Variants in PRORP observed in about 807,000 individuals in gnomAD.
The protein encoded by PRORP is mitochondrial ribonuclease P catalytic subunit.
In PRORP, 51 loss-of-function variants were observed where a neutral mutation model predicts 59.4. The ratio of observed to expected loss-of-function variants is 0.86; its 90% CI spans 0.69 to 1.08. PRORP has a LOEUF of 1.08. PRORP is among the 50% of genes least tolerant of loss of function. The pLI is 0.00. For missense variants in PRORP, 646 were observed against 690.3 expected, an observed-to-expected ratio of 0.94 and a Z score of 0.72; for synonymous variants, 231 against 245.6, an observed-to-expected ratio of 0.94 and a Z score of 0.55.
chr14:35,253,816 C>T (rs2050679014), intron 5 of PRORP, among the ~76,000 whole-genome samples: 1 of 152,012 alleles, frequency 6.6e-6, no homozygotes, highest in Non-Finnish European at 1.5e-5. Flanking sequence ...TCTTTTTGGT[C>T]ATGCTTCAGT....
In PRORP at chr14:35,230,938, A is replaced by AACATAC. The variant is rs2050061625; in HGVS notation, c.1276-35786_1276-35785insTACACA. ...CAACTGTGTAAAGACAGGAAAAGAG[A>AACATAC]ACACACACACACACACACACACACA... On this transcript the variant is annotated intron_variant, in intron 5 of 7. Coordinates refer to ENST00000534898, the MANE Select transcript of PRORP (RefSeq NM_014672.4). 4.8e-5 allele frequency among the ~76,000 whole-genome samples: 7 copies of AACATAC among 144,466 alleles called. No individual in the cohort carries two copies. In the Admixed American group the frequency reaches 4.9e-4, roughly 10 times the overall value. 94.8% of individuals were successfully genotyped at this position (144,466 alleles called of 152,430 possible).
chr14:35,202,781 C>T lies in PRORP; in HGVS notation c.1275+22004C>T, dbSNP rs867736702. Among the ~76,000 whole-genome samples the T allele has an allele frequency of 8.1e-4, 123 of 152,098 alleles. 2 individuals are homozygous for T. Among genetic ancestry groups the T allele is most frequent in the African/African-American group, 2.7e-3 (114 of 41,502 alleles). The stretch of plus-strand genomic sequence containing the variant: ...AGTAGCTAGGACAACAGGCATGTGC[C>T]GCCACACCTGGCTAATTAAAAAAAA... On this transcript the variant is annotated intron_variant, in intron 5 of 7. Transcript: ENST00000534898.
chr14:35,145,811 A>G (rs1363505177), intron 4 of PRORP, among the ~76,000 whole-genome samples: 2 of 122,178 alleles, frequency 1.6e-5, no homozygotes, highest in Non-Finnish European at 1.8e-5. Flanking sequence ...TTGATTATTT[A>G]TTTATTTATT....
chr14:35,149,324 C>G (rs777729915), intron 4 of PRORP, among the ~76,000 whole-genome samples: 29 of 152,024 alleles, frequency 1.9e-4, no homozygotes, highest in Non-Finnish European at 3.5e-4. Flanking sequence ...AAGTAATCCT[C>G]CCATCTAGGC....
At chr14:35,225,257 T>C (rs573553931) in intron 5 of PRORP, among the ~76,000 whole-genome samples, 6 of 152,220 alleles carry the variant, frequency 3.9e-5, no homozygotes, top group Non-Finnish European at 7.3e-5. Context: ...TTTTCTCCTG[T>C]AATGAAGGAA....
At chr14:35,198,892 C>T (rs1032867411) in intron 5 of PRORP, among the ~76,000 whole-genome samples, 1 of 152,098 alleles carries the variant, frequency 6.6e-6, no homozygotes, top group Admixed American at 6.5e-5. Context: ...TTAGGCCGGG[C>T]GTGGTGGCTT....
At chr14:35,262,929 G>A in intron 5 of PRORP, 1 of 1,589,244 alleles carries the variant, frequency 6.3e-7, no homozygotes, top group Non-Finnish European at 8.6e-7. Context: ...TTCCAATTTA[G>A]AGGCTTTGAT....
Position 35,229,558 on chromosome 14 carries a change from C to T in PRORP, c.1276-37169C>T, listed in dbSNP as rs140839144. On this transcript the variant is annotated intron_variant, in intron 5 of 7. Coordinates refer to ENST00000534898, the MANE Select transcript of PRORP (RefSeq NM_014672.4). ...CATTTATTGAATAGGGAGTCTTTTC[C>T]CCATTAATGCTGGTATTTTAAAAGG... Among the ~76,000 whole-genome samples the T allele has an allele frequency of 2.9e-3, 448 of 152,206 alleles. 4 individuals carry two copies. Among genetic ancestry groups the T allele is most frequent in the African/African-American group, 9.2e-3 (384 of 41,528 alleles).
At chr14:35,151,188 TA>T (rs1420248028) in intron 4 of PRORP, among the ~76,000 whole-genome samples, 1 of 152,190 alleles carries the variant, frequency 6.6e-6, no homozygotes, top group Non-Finnish European at 1.5e-5. Context: ...TTATTTTTCT[TA>T]AAAGATTCTG....
At chr14:35,267,044 A>G (rs1251663197) in intron 6 of PRORP, among the ~76,000 whole-genome samples, 169 bp downstream of exon 6, 1 of 152,190 alleles carries the variant, frequency 6.6e-6, no homozygotes, top group Non-Finnish European at 1.5e-5. Context: ...TTCTTCTAAA[A>G]AAGAAAAACA....
chr14:35,240,250 A>C (rs1176008723), intron 5 of PRORP, among the ~76,000 whole-genome samples: 2 of 149,634 alleles, frequency 1.3e-5, no homozygotes, highest in East Asian at 3.9e-4. Context: ...CTTTAAAAAT[A>C]CTGTGGTTCC....
chr14:35,194,713 T>C (rs1211749038), intron 5 of PRORP, among the ~76,000 whole-genome samples: 1 of 152,082 alleles, frequency 6.6e-6, no homozygotes, highest in Admixed American at 6.6e-5. Flanking sequence ...AGTCAAAAAG[T>C]GCAACCTTCT....
intron 5 of PRORP, among the ~76,000 whole-genome samples, chr14:35,255,124 T>C (rs921989240): frequency 1.3e-5 from 2 of 152,068 alleles, no homozygotes; most frequent in African/African-American, 4.8e-5. Flanking sequence ...ATAACTGTGT[T>C]TGGTTGTTTT....
intron 5 of PRORP, among the ~76,000 whole-genome samples, chr14:35,214,986 T>A (rs1356354380): frequency 6.6e-6 from 1 of 152,186 alleles, no homozygotes; most frequent in African/African-American, 2.4e-5. Flanking sequence ...GAAAGCATTT[T>A]TTTTTAACCT....
intron 4 of PRORP, among the ~76,000 whole-genome samples, chr14:35,163,088 C>T (rs1235599705): frequency 6.6e-6 from 1 of 151,980 alleles, no homozygotes. Flanking sequence ...GGTTCTGGCA[C>T]TTTCTTTAAT....
rs538805296 is a variant in PRORP, at chr14:35,143,212, G to A, written c.1167+15601G>A. Reference sequence around the variant, plus strand: ...CTGTTGCTCAGGCTGGAGTGCAGTGGCGCAATCGCTGCTCACTGCAACCTC... The same window carrying A: ...CTGTTGCTCAGGCTGGAGTGCAGTGACGCAATCGCTGCTCACTGCAACCTC... On this transcript the variant is annotated intron_variant, in intron 4 of 7. Transcript: ENST00000534898. Among the ~76,000 whole-genome samples, 61 of 145,536 alleles carry A rather than the reference G, an allele frequency of 4.2e-4. 10 individuals carry two copies. The highest frequency in any genetic ancestry group is 7.5e-4 in the Non-Finnish European group (49 of 65,426).
At chr14:35,168,878 G>C (rs1265119697) in intron 4 of PRORP, among the ~76,000 whole-genome samples, 1 of 151,798 alleles carries the variant, frequency 6.6e-6, no homozygotes, top group Non-Finnish European at 1.5e-5. Context: ...CGGCTTTTAA[G>C]TTTATGAACT....
intron 2 of PRORP, 83 bp from the exon 3 acceptor site, chr14:35,126,652 A>G (rs1595154873): frequency 2.8e-6 from 3 of 1,059,740 alleles, no homozygotes; most frequent in East Asian, 2.6e-5. Context: ...TCTTGCTTAT[A>G]AGAGTTTCCA....
intron 4 of PRORP, among the ~76,000 whole-genome samples, chr14:35,173,656 A>G (rs1195226282): frequency 2.0e-5 from 3 of 152,048 alleles, no homozygotes; most frequent in Admixed American, 2.0e-4. Flanking sequence ...CCTGCTGGCC[A>G]TACTGTCTGG....
Sources: gnomAD v4.1 joint callset for allele counts (sites outside exome capture counted in the v4.1 genomes callset) on GRCh38, gnomAD v4.1.1 for gene constraint, MANE v1.5 for transcripts, NCBI Gene and HGNC (gene_info 2026-07-23, HGNC 2026-07-21) for gene names.